HSPA12B: variants seen among roughly 807,000 people sequenced by gnomAD.
HSPA12B encodes heat shock 70 kDa protein 12B.
HSPA12B carries 54 observed loss-of-function variants against 69.3 expected under a neutral mutation model. The ratio of observed to expected loss-of-function variants is 0.78; its 90% CI spans 0.63 to 0.98. The LOEUF (loss-of-function observed/expected upper bound fraction) is 0.98. Ranked by LOEUF, HSPA12B falls within the 50% of genes least tolerant of loss-of-function variation. The pLI is 0.00. For missense variants in HSPA12B, 929 were observed against 999.8 expected (o/e 0.93, Z 0.96); for synonymous variants, 441 against 436.5 (o/e 1.01, Z -0.13).
chr20:3,752,199 C>T lies in HSPA12B; in HGVS notation c.*33C>T, dbSNP rs570582275. ...CCGGCGCGGTGCCAGCGCCGTCTGC[C>T]CGGCCCCGCCCTCTTTCGGTTCAGG... On this transcript the variant is annotated 3_prime_UTR_variant, in exon 13 of 13. Transcript: ENST00000254963. 2.1e-6 allele frequency: 3 copies of T among 1,444,624 alleles called. No homozygotes were observed. In the East Asian group the frequency reaches 7.7e-5, roughly 37 times the overall value. 89.5% of individuals were successfully genotyped at this position (1,444,624 alleles called of 1,614,324 possible). A position where few individuals can be genotyped will look rare whatever the true frequency, so the allele number is the denominator to read the frequency against.
chr20:3,747,756 G>A (rs1445957837), intron 7 of HSPA12B, among the ~76,000 whole-genome samples: 1 of 152,168 alleles, frequency 6.6e-6, no homozygotes, highest in African/African-American at 2.4e-5. Context: ...CCAGCCTAGT[G>A]GAGAAAGAGG....
rs61614564 is a variant in HSPA12B, at chr20:3,743,184, C to CTTTTT, written c.266+785_266+789dup. Among the ~76,000 whole-genome samples the CTTTTT allele has an allele frequency of 7.0e-4, 98 of 139,322 alleles. 7 individuals are homozygous for CTTTTT. The highest frequency in any genetic ancestry group is 1.7e-3 in the East Asian group (8 of 4,828). 91.4% of individuals were successfully genotyped at this position (139,322 alleles called of 152,430 possible). A position where few individuals can be genotyped will look rare whatever the true frequency, so the allele number is the denominator to read the frequency against. On this transcript the variant is annotated intron_variant, in intron 4 of 12. Transcript: ENST00000254963. ...TACAGATGTGAGCCACCAACCTGGCCTTTTTTTTTTTTTCTTTGAGACAGG... is the reference window on the plus strand; with the variant it reads ...TACAGATGTGAGCCACCAACCTGGCCTTTTTTTTTTTTTTTTTTCTTTGAGACAGG...
Position 3,749,300 on chromosome 20 carries a change from T to C in HSPA12B, c.919T>C (p.Trp307Arg). Reference protein sequence around the residue: ...FLVESGVGELWAEMQAGDRYV... With the variant: ...FLVESGVGELRAEMQAGDRYV... ...GGTGGAGTCAGGCGTAGGAGAGCTG[T>C]GGGCAGAGATGCAAGCAGGTAGGGG... The change falls in exon 9 of 13, where the codon TGG becomes CGG. Residue 307 changes from tryptophan to arginine, a missense_variant. Around this residue, in one of 3 missense-constraint regions of HSPA12B, gnomAD observed 477 missense variants for 535.2 expected, o/e 0.89. Coordinates refer to ENST00000254963, the MANE Select transcript of HSPA12B (RefSeq NM_052970.5). This position sits in a 1 kb window ranked among gnomAD's most constrained non-coding sequence, Gnocchi z 5.5. 1 of 1,613,518 alleles carries C rather than the reference T, an allele frequency of 6.2e-7. No homozygotes were observed. The highest frequency in any genetic ancestry group is 8.5e-7 in the Non-Finnish European group (1 of 1,179,794).
chr20:3,752,200 C>T lies in HSPA12B; in HGVS notation c.*34C>T, dbSNP rs1187273846. ...CGGCGCGGTGCCAGCGCCGTCTGCCCGGCCCCGCCCTCTTTCGGTTCAGGG... is the reference window on the plus strand; with the variant it reads ...CGGCGCGGTGCCAGCGCCGTCTGCCTGGCCCCGCCCTCTTTCGGTTCAGGG... On this transcript the variant is annotated 3_prime_UTR_variant, in exon 13 of 13. Coordinates refer to ENST00000254963, the MANE Select transcript of HSPA12B (RefSeq NM_052970.5). The T allele has an allele frequency of 6.9e-6, 10 of 1,443,622 alleles. No homozygotes were observed. The highest frequency in any genetic ancestry group is 9.0e-6 in the Non-Finnish European group (10 of 1,105,488). 89.4% of individuals were successfully genotyped at this position (1,443,622 alleles called of 1,614,324 possible).
Position 3,750,321 on chromosome 20 carries a change from T to G in HSPA12B, c.1301+94T>G. Reference sequence around the variant, plus strand: ...CGGGCCCCAAGGAACGGTGGGGGTCTGCCTGATTCATCCCACATATACACT... The same window carrying G: ...CGGGCCCCAAGGAACGGTGGGGGTCGGCCTGATTCATCCCACATATACACT... On this transcript the variant is annotated intron_variant, in intron 11 of 12. Transcript: ENST00000254963. The G allele has an allele frequency of 3.9e-6, 5 of 1,295,774 alleles. No individual in the cohort carries two copies. The South Asian group carries it at 7.6e-5, about 20-fold the overall frequency. The allele number at this position is 1,295,774 out of a possible 1,614,324, so 80.3% of individuals were successfully genotyped here. A position where few individuals can be genotyped will look rare whatever the true frequency, so the allele number is the denominator to read the frequency against.
At position 3,733,567 on chromosome 20, in the gene HSPA12B, AT is replaced by A. The variant is rs201309964; in HGVS notation, c.-18+774del. ...GCAAAGATGAGGACAGGGAGGGGCC[AT>A]GGGAGGCCATTTCTGTCACTCCCTG... On this transcript the variant is annotated intron_variant, in intron 1 of 12. Transcript: ENST00000254963. Among the ~76,000 whole-genome samples, 1,494 of 152,270 alleles carry A rather than the reference AT, an allele frequency of 9.8e-3. 26 individuals are homozygous for A. The highest frequency in any genetic ancestry group is 0.034 in the African/African-American group (1,418 of 41,544).
Position 3,738,716 on chromosome 20 carries a change from C to G in HSPA12B, c.42C>G (p.Ile14Met). Reference protein sequence around the residue: ...VPEMGLQGLYIGSSPERSPVP... With the variant: ...VPEMGLQGLYMGSSPERSPVP... ...AGATGGGCCTGCAGGGGCTGTACAT[C>G]GGTAAGAACCCCCACCATTCTGCCC... Residue 14 changes from isoleucine (I) to methionine (M), a missense_variant and splice_region_variant, in exon 2 of 13, where the codon ATC (isoleucine) becomes ATG (methionine). By Grantham distance (10) the Ile-to-Met change is conservative. This residue lies in a region of HSPA12B where 477 missense variants were observed against 535.2 expected (regional missense o/e 0.89). Coordinates refer to ENST00000254963, the MANE Select transcript of HSPA12B (RefSeq NM_052970.5). 3.7e-6 allele frequency: 6 copies of G among 1,614,144 alleles called. No homozygotes were observed. The highest frequency in any genetic ancestry group is 5.1e-6 in the Non-Finnish European group (6 of 1,180,012).
chr20:3,744,367 G>A lies in HSPA12B; in HGVS notation c.267-535G>A, dbSNP rs1173936115. ...CACACATGGCTGAGGCCATGCTGGG[G>A]CTAAGGACACATCCAGGAACACTGT... On this transcript the variant is annotated intron_variant, in intron 4 of 12. Transcript: ENST00000254963. The surrounding 1 kb of genome is among the most constrained non-coding windows in gnomAD (Gnocchi z 4.9). Among the ~76,000 whole-genome samples, 2 of 152,164 alleles carry A rather than the reference G, an allele frequency of 1.3e-5. No individual in the cohort carries two copies. The highest frequency in any genetic ancestry group is 1.3e-4 in the Admixed American group (2 of 15,260).
chr20:3,745,883 A>G lies in HSPA12B; in HGVS notation c.559-32A>G, dbSNP rs371936228. 23 of 1,590,202 alleles carry G rather than the reference A, an allele frequency of 1.4e-5. No individual in the cohort carries two copies. In the African/African-American group the frequency reaches 2.7e-4, roughly 19 times the overall value. ...CTGAAGACCACCCTCCCTCCAAGCC[A>G]GCTTTCCTCTCACTGCCCCCTCCTG... is the stretch of plus-strand genomic sequence containing the variant. On this transcript the variant is annotated intron_variant, in intron 6 of 12. Coordinates refer to ENST00000254963, the MANE Select transcript of HSPA12B (RefSeq NM_052970.5). The surrounding 1 kb of genome is among the most constrained non-coding windows in gnomAD (Gnocchi z 5.6).
intron 3 of HSPA12B, among the ~76,000 whole-genome samples, chr20:3,742,061 C>G (rs1215160335): frequency 6.6e-6 from 1 of 151,876 alleles, no homozygotes; most frequent in Admixed American, 6.6e-5. Flanking sequence ...TGAGCCAAAC[C>G]CTGCCTGGGG....
chr20:3,748,201 C>T lies in HSPA12B; in HGVS notation c.676-16C>T. ...GCCCACAGTGCTGCCTGACCCTGCC[C>T]ACCACCCATCCCCAGGCTGGACTAG... is the stretch of plus-strand genomic sequence containing the variant. On this transcript the variant is annotated splice_polypyrimidine_tract_variant and intron_variant, in intron 7 of 12. Transcript: ENST00000254963. The T allele has an allele frequency of 1.3e-6, 2 of 1,531,732 alleles. No individual in the cohort carries two copies. Among genetic ancestry groups the T allele is most frequent in the Non-Finnish European group, 1.8e-6 (2 of 1,132,166 alleles). 94.9% of individuals were successfully genotyped at this position (1,531,732 alleles called of 1,614,324 possible). A position where few individuals can be genotyped will look rare whatever the true frequency, so the allele number is the denominator to read the frequency against.
Position 3,749,954 on chromosome 20 carries a change from C to T in HSPA12B, c.1043-15C>T. The stretch of plus-strand genomic sequence containing the variant: ...GCGAGCGCTGACGCCCTCTTCGCCC[C>T]CTGCTCCACCCCAGGGGGCCCTTAT... On this transcript the variant is annotated splice_polypyrimidine_tract_variant and intron_variant, in intron 10 of 12. Coordinates refer to ENST00000254963, the MANE Select transcript of HSPA12B (RefSeq NM_052970.5). The surrounding 1 kb of genome is among the most constrained non-coding windows in gnomAD (Gnocchi z 5.5). 3 of 1,553,400 alleles carry T rather than the reference C, an allele frequency of 1.9e-6. No individual in the cohort carries two copies. The highest frequency in any genetic ancestry group is 2.6e-6 in the Non-Finnish European group (3 of 1,146,676).
In HSPA12B at chr20:3,742,340, C is replaced by G; in HGVS notation, c.198C>G (p.Asp66Glu). Residue 66 changes from aspartate to glutamate, a missense_variant, in exon 4 of 13, where the codon GAC (aspartate) becomes GAG (glutamate). Transcript: ENST00000254963. Reference protein sequence around the residue: ...QASFSVVVAIDFGTTSSGYAF... With the variant: ...QASFSVVVAIEFGTTSSGYAF... ...CCTTCTCTGTGGTGGTGGCCATTGA[C>G]TTCGGCACCACGTCTAGTGGCTATG... 1.2e-6 allele frequency: 2 copies of G among 1,614,160 alleles called. No individual in the cohort carries two copies. The highest frequency in any genetic ancestry group is 1.6e-4 in the Middle Eastern group (1 of 6,062).
intron 1 of HSPA12B, 52 bp from the exon 2 acceptor site, chr20:3,738,606 G>A: frequency 1.3e-6 from 2 of 1,529,464 alleles, no homozygotes; most frequent in Non-Finnish European, 9.1e-7. Flanking sequence ...ATTCAGATGA[G>A]GGAACAAAGG....
At position 3,752,969 on chromosome 20, in the gene HSPA12B, G is replaced by A. The variant is rs2088454951; in HGVS notation, c.*803G>A. On this transcript the variant is annotated 3_prime_UTR_variant, in exon 13 of 13. Transcript: ENST00000254963. Reference sequence around the variant, plus strand: ...CCCAGCTCTGCTATTGACTCGGTATGCCTTTAGGACATTCTCTTACCGCTC... The same window carrying A: ...CCCAGCTCTGCTATTGACTCGGTATACCTTTAGGACATTCTCTTACCGCTC... The A allele has an allele frequency of 6.5e-6, 1 of 153,596 alleles. No homozygotes were observed. The highest frequency in any genetic ancestry group is 2.1e-4 in the South Asian group (1 of 4,838). 9.5% of individuals were successfully genotyped at this position (153,596 alleles called of 1,614,324 possible). A position where few individuals can be genotyped will look rare whatever the true frequency, so the allele number is the denominator to read the frequency against.
intron 4 of HSPA12B, among the ~76,000 whole-genome samples, chr20:3,742,775 G>A (rs1482327086): frequency 6.7e-6 from 1 of 148,772 alleles, no homozygotes; most frequent in Non-Finnish European, 1.5e-5. Context: ...TTAGCTCATT[G>A]CAACCTCCAC....
At position 3,744,888 on chromosome 20, in the gene HSPA12B, C is replaced by A. The variant is rs1430276477; in HGVS notation, c.267-14C>A. The A allele has an allele frequency of 6.2e-7, 1 of 1,610,542 alleles. No homozygotes were observed. The highest frequency in any genetic ancestry group is 2.2e-5 in the East Asian group (1 of 44,886). The stretch of plus-strand genomic sequence containing the variant: ...AGAAGGGAGGGTTGCACTGACTGCC[C>A]TGTGCCTCCGCAGGAAATGGGAGGG... On this transcript the variant is annotated splice_polypyrimidine_tract_variant and intron_variant, in intron 4 of 12. Coordinates refer to ENST00000254963, the MANE Select transcript of HSPA12B (RefSeq NM_052970.5). The surrounding 1 kb of genome is among the most constrained non-coding windows in gnomAD (Gnocchi z 4.9).
chr20:3,741,875 CA>C (rs1413998396), intron 3 of HSPA12B, among the ~76,000 whole-genome samples: 1 of 151,836 alleles, frequency 6.6e-6, no homozygotes, highest in Non-Finnish European at 1.5e-5. Flanking sequence ...CCACAAAGAG[CA>C]AGAGGATAAA....
At chr20:3,742,771 C>T (rs895519807) in intron 4 of HSPA12B, among the ~76,000 whole-genome samples, 23 of 150,902 alleles carry the variant, frequency 1.5e-4, no homozygotes, top group African/African-American at 5.4e-4. Flanking sequence ...GATCTTAGCT[C>T]ATTGCAACCT....
Sources: gnomAD v4.1 joint callset for allele counts (sites outside exome capture counted in the v4.1 genomes callset) on GRCh38, gnomAD v4.1.1 for gene constraint, gnomAD v4.1.1 regional missense constraint, Gnocchi (gnomAD v3.1) non-coding constraint, MANE v1.5 for transcripts, NCBI Gene and HGNC (gene_info 2026-07-23, HGNC 2026-07-21) for gene names.